Variants in JARID2 observed in about 807,000 individuals in gnomAD.
The protein encoded by JARID2 is protein Jumonji.
In JARID2, 21 loss-of-function variants were observed where a neutral mutation model predicts 125.6. The ratio of observed to expected loss-of-function variants is 0.17; its 90% confidence interval spans 0.12 to 0.24. The LOEUF (loss-of-function observed/expected upper bound fraction) is 0.24. JARID2 is among the 10% of genes least tolerant of loss of function. JARID2 has a pLI of 1.00. For synonymous variants in JARID2, 736 were observed against 661.6 expected (o/e 1.11, Z -1.73); for missense variants, 1,303 against 1,639.6 (o/e 0.79, Z 3.55).
At chr6:15,283,136 G>C (rs576358599) in intron 1 of JARID2, among the ~76,000 whole-genome samples, 1 of 143,526 alleles carries the variant, frequency 7.0e-6, no homozygotes, top group African/African-American at 2.6e-5. Context: ...CCGCCACCAC[G>C]CCCGGCTAAT....
At chr6:15,445,222 G>A (rs1767622858) in intron 3 of JARID2, among the ~76,000 whole-genome samples, 1 of 152,102 alleles carries the variant, frequency 6.6e-6, no homozygotes, top group Non-Finnish European at 1.5e-5. Context: ...CAATCATTTG[G>A]GGAGGAAGGG....
intron 2 of JARID2, among the ~76,000 whole-genome samples, chr6:15,407,804 T>C (rs925836871): frequency 1.3e-5 from 2 of 152,210 alleles, no homozygotes; most frequent in Admixed American, 1.3e-4. Context: ...CATATGTCTG[T>C]GTTTGTCTGT....
rs28512363 is a variant in JARID2 at position 15,496,737 on chromosome 6, C to G, written c.1512C>G (p.Ala504=). ...LERNRPKRAT[A]GKSTPGRQAH... Reference sequence around the variant, plus strand: ...GGAATCGGCCGAAGCGGGCCACGGCCGGGAAGAGCACGCCAGGCAGACAAG... The same window carrying G: ...GGAATCGGCCGAAGCGGGCCACGGCGGGGAAGAGCACGCCAGGCAGACAAG... The change falls in exon 7 of 18, where the codon GCC becomes GCG. Residue 504 remains alanine (A), a synonymous_variant. Transcript: ENST00000341776. The G allele has an allele frequency of 6.2e-7, 1 of 1,613,726 alleles. No individual in the cohort carries two copies. Among genetic ancestry groups the G allele is most frequent in the Non-Finnish European group, 8.5e-7 (1 of 1,179,970 alleles).
chr6:15,364,746 C>A (rs1028393335), intron 1 of JARID2, among the ~76,000 whole-genome samples: 2 of 152,160 alleles, frequency 1.3e-5, no homozygotes, highest in African/African-American at 4.8e-5. Flanking sequence ...TCAATTGAAA[C>A]CCTATCCAAT....
intron 16 of JARID2, among the ~76,000 whole-genome samples, chr6:15,514,010 G>A (rs973910939): frequency 2.6e-5 from 4 of 152,256 alleles, no homozygotes; most frequent in Admixed American, 6.5e-5. Flanking sequence ...GGCCACAGCA[G>A]GCTGCATTCC....
chr6:15,447,503 G>T (rs933557957), intron 3 of JARID2, among the ~76,000 whole-genome samples: 4 of 152,202 alleles, frequency 2.6e-5, no homozygotes, highest in Non-Finnish European at 4.4e-5. Flanking sequence ...TACATGCAAG[G>T]CCCAAGGCTT....
chr6:15,319,016 T>A (rs1443458736), intron 1 of JARID2, among the ~76,000 whole-genome samples: 1 of 152,200 alleles, frequency 6.6e-6, no homozygotes, highest in Non-Finnish European at 1.5e-5. Context: ...AGACATTCAG[T>A]CCAATCAGTT....
chr6:15,517,970 G>T (rs1371961806), intron 17 of JARID2, among the ~76,000 whole-genome samples: 1 of 152,242 alleles, frequency 6.6e-6, no homozygotes. Context: ...ACTGTGAGGG[G>T]CCTGGTGTGT....
intron 1 of JARID2, among the ~76,000 whole-genome samples, chr6:15,354,795 A>G (rs947069607): frequency 6.6e-6 from 1 of 152,220 alleles, no homozygotes; most frequent in African/African-American, 2.4e-5. Context: ...CCCTACAAGC[A>G]AGAATTGTGT....
chr6:15,246,383 G>C lies in JARID2; in HGVS notation c.-157G>C, dbSNP rs548463212. Reference sequence around the variant, plus strand: ...CCCAATTTCGGATTTATTTCAAGGCGAATCTGGCTTTGGGGGAAGAGGAAG... The same window carrying C: ...CCCAATTTCGGATTTATTTCAAGGCCAATCTGGCTTTGGGGGAAGAGGAAG... On this transcript the variant is annotated 5_prime_UTR_variant, in exon 1 of 18. Coordinates refer to ENST00000341776, the MANE Select transcript of JARID2 (RefSeq NM_004973.4). 1.7e-6 allele frequency: 1 copy of C among 574,096 alleles called. No individual in the cohort carries two copies. The highest frequency in any genetic ancestry group is 3.1e-6 in the Non-Finnish European group (1 of 325,366). The allele number at this position is 574,096 out of a possible 1,614,324, so 35.6% of individuals were successfully genotyped here.
At chr6:15,407,723 C>T (rs1765708346) in intron 2 of JARID2, among the ~76,000 whole-genome samples, 1 of 152,150 alleles carries the variant, frequency 6.6e-6, no homozygotes, top group Non-Finnish European at 1.5e-5. Flanking sequence ...TGCAAGCTTG[C>T]CGGCTGGCTC....
intron 17 of JARID2, among the ~76,000 whole-genome samples, 176 bp downstream of exon 17, chr6:15,517,444 C>T (rs1771618048): frequency 6.6e-6 from 1 of 152,212 alleles, no homozygotes; most frequent in African/African-American, 2.4e-5. Context: ...GTTAGGATCC[C>T]AGGGGGAGCG....
intron 1 of JARID2, among the ~76,000 whole-genome samples, chr6:15,279,991 T>C (rs1760688757): frequency 6.6e-6 from 1 of 152,196 alleles, no homozygotes; most frequent in Admixed American, 6.5e-5. Flanking sequence ...ATTTCATGTC[T>C]AGGGAAGTTG....
chr6:15,306,354 G>C (rs933719813), intron 1 of JARID2, among the ~76,000 whole-genome samples: 2 of 93,374 alleles, frequency 2.1e-5, no homozygotes, highest in African/African-American at 8.6e-5. Context: ...TTTTTTTTGA[G>C]ACGGAGTTTT....
intron 3 of JARID2, among the ~76,000 whole-genome samples, chr6:15,427,348 G>A (rs1221001705): frequency 6.6e-6 from 1 of 152,098 alleles, no homozygotes; most frequent in Non-Finnish European, 1.5e-5. Context: ...TCAGGCTCCT[G>A]GCAAACATAC....
chr6:15,419,978 A>C (rs373575267), intron 3 of JARID2, among the ~76,000 whole-genome samples: 15 of 152,290 alleles, frequency 9.8e-5, no homozygotes, highest in East Asian at 7.7e-4. Flanking sequence ...CCTAATTTTC[A>C]TATATATTAC....
chr6:15,279,115 C>T (rs536727541), intron 1 of JARID2, among the ~76,000 whole-genome samples: 41 of 135,122 alleles, frequency 3.0e-4, no homozygotes, highest in Non-Finnish European at 4.6e-4. Context: ...GATAAATTGT[C>T]CAGCTATTGT....
At chr6:15,268,549 G>A (rs1025297690) in intron 1 of JARID2, among the ~76,000 whole-genome samples, 3 of 152,178 alleles carry the variant, frequency 2.0e-5, no homozygotes, top group African/African-American at 4.8e-5. Context: ...AAAGGACGGT[G>A]GCTTTGGAAG....
chr6:15,324,789 A>G (rs935174762), intron 1 of JARID2, among the ~76,000 whole-genome samples: 17 of 151,652 alleles, frequency 1.1e-4, no homozygotes, highest in African/African-American at 3.4e-4. Context: ...GCTCCCGCCA[A>G]CTGCTTTTTG....
Sources: gnomAD v4.1 joint callset for allele counts (sites outside exome capture counted in the v4.1 genomes callset) on GRCh38, gnomAD v4.1.1 for gene constraint, MANE v1.5 for transcripts, NCBI Gene and HGNC (gene_info 2026-07-23, HGNC 2026-07-21) for gene names.